The following MLXIPL variants were observed in gnomAD, a reference collection of about 807,000 sequenced individuals.
The protein encoded by MLXIPL is MLX interacting protein like.
Under a neutral mutation model 81.5 loss-of-function variants are expected in MLXIPL, and 49 were observed. The observed-to-expected ratio is 0.60, with a 90% confidence interval of 0.48 to 0.76. The LOEUF (loss-of-function observed/expected upper bound fraction) is 0.76. Ranked by LOEUF, MLXIPL falls within the 30% of genes least tolerant of loss-of-function variation. MLXIPL has a pLI of 0.00. For missense variants in MLXIPL, 1,053 were observed against 1,167.0 expected (o/e 0.90, Z 1.42); for synonymous variants, 466 against 485.5 (o/e 0.96, Z 0.53).
chr7:73,599,398 T>G, intron 8 of MLXIPL, 128 bp downstream of exon 8: 1 of 1,226,784 alleles, frequency 8.2e-7, no homozygotes, highest in Non-Finnish European at 1.2e-6. Context: ...ATGGGGTCTT[T>G]CTTTCCCTCC....
At position 73,623,520 on chromosome 7, in the gene MLXIPL, G is replaced by A. The variant is rs529290880; in HGVS notation, c.293+680C>T. On this transcript the variant is annotated intron_variant, in intron 1 of 16. Transcript: ENST00000313375. The surrounding 1 kb of genome is among the most constrained non-coding windows in gnomAD (Gnocchi z 5.7). ...GCGCTCAGCCTAGTGTGGCGACGTG[G>A]GTAGGCGAACCCAGGCCTCCCGGGC... 8.5e-5 allele frequency among the ~76,000 whole-genome samples: 13 copies of A among 152,216 alleles called. No homozygotes were observed. The South Asian group carries it at 1.2e-3, about 15-fold the overall frequency.
chr7:73,620,415 A>G (rs1008968495), intron 1 of MLXIPL, among the ~76,000 whole-genome samples: 3 of 151,498 alleles, frequency 2.0e-5, no homozygotes, highest in African/African-American at 7.3e-5. Flanking sequence ...ACAACAAACA[A>G]AAAACAACAA....
Position 73,624,364 on chromosome 7 carries a change from G to A in MLXIPL, c.129C>T (p.Arg43=). Residue 43 remains arginine (R), a synonymous_variant, in exon 1 of 17, where the codon CGC becomes CGT. Transcript: ENST00000313375. ...SLRRSAGGLL[R]SQVIHSGHFM... is the part of the protein sequence containing the mutation. ...AGTGACCGCTGTGGATGACCTGCGA[G>A]CGGAGCAAGCCGCCCGCGCTGCGCC... The A allele has an allele frequency of 6.3e-7, 1 of 1,580,010 alleles. No individual in the cohort carries two copies.
At chr7:73,603,941 C>T (rs1231230257) in intron 7 of MLXIPL, among the ~76,000 whole-genome samples, 1 of 152,144 alleles carries the variant, frequency 6.6e-6, no homozygotes, top group Non-Finnish European at 1.5e-5. Context: ...TTAGGCCAGA[C>T]GCGGTAGCTC....
chr7:73,595,188 T>G (rs1794174572), intron 15 of MLXIPL, among the ~76,000 whole-genome samples: 2 of 152,108 alleles, frequency 1.3e-5, no homozygotes, highest in Admixed American at 1.3e-4. Flanking sequence ...CCCAGCTCTC[T>G]GCCTCTCAGT....
At chr7:73,614,512 C>G (rs1011071520) in intron 2 of MLXIPL, among the ~76,000 whole-genome samples, 1 of 152,192 alleles carries the variant, frequency 6.6e-6, no homozygotes, top group Non-Finnish European at 1.5e-5. Flanking sequence ...GGGGCGAGGA[C>G]AGAGAATACT....
In MLXIPL at chr7:73,597,449, C is replaced by T; in HGVS notation, c.1336G>A (p.Val446Met). The change falls in exon 9 of 17, where the codon GTG becomes ATG. Residue 446 changes from valine (V) to methionine (M), a missense_variant. Val to Met is a conservative substitution (Grantham distance 21, BLOSUM62 1). Around this residue, in one of 3 missense-constraint regions of MLXIPL, gnomAD observed 823 missense variants for 933.0 expected, o/e 0.88. Coordinates refer to ENST00000313375, the MANE Select transcript of MLXIPL (RefSeq NM_032951.3). ...PFPTVPPAPGVSPLPAPAAFP... is the reference protein window; with the variant it reads ...PFPTVPPAPGMSPLPAPAAFP... ...GCTGCAGGAGCAGGCAGCGGAGACA[C>T]TCCTGGGGCAGGAGGGACGGTGGGG... The T allele has an allele frequency of 3.5e-6, 5 of 1,427,432 alleles. No homozygotes were observed. The South Asian group carries it at 6.4e-5, about 18-fold the overall frequency. The allele number at this position is 1,427,432 out of a possible 1,614,324, so 88.4% of individuals were successfully genotyped here.
chr7:73,626,062 G>A (rs1796723907), upstream of MLXIPL, among the ~76,000 whole-genome samples: 1 of 152,106 alleles, frequency 6.6e-6, no homozygotes, highest in Admixed American at 6.6e-5. Flanking sequence ...GGAGTGCAAT[G>A]GCACGATCTC....
chr7:73,601,626 G>C (rs925749590), intron 7 of MLXIPL, among the ~76,000 whole-genome samples: 7 of 152,124 alleles, frequency 4.6e-5, no homozygotes, highest in Non-Finnish European at 4.4e-5. Flanking sequence ...CACCTCCTGG[G>C]TTCAAACGAT....
At chr7:73,628,703 T>C (rs782735478), upstream of MLXIPL, among the ~76,000 whole-genome samples, 12 of 152,216 alleles carry the variant, frequency 7.9e-5, no homozygotes, top group Non-Finnish European at 1.3e-4. Flanking sequence ...ATTGCCCAGA[T>C]AATAGCACAG....
chr7:73,625,471 C>T (rs550531701), upstream of MLXIPL, among the ~76,000 whole-genome samples: 53 of 152,242 alleles, frequency 3.5e-4, 1 homozygote, highest in East Asian at 9.5e-3. Context: ...GTGGCCAACA[C>T]GGTGGCCGGG....
intron 1 of MLXIPL, 54 bp downstream of exon 1, chr7:73,624,142 ACCCC>A: frequency 6.2e-6 from 5 of 805,690 alleles, no homozygotes; most frequent in Non-Finnish European, 8.9e-6. Flanking sequence ...CCTGCCCCGG[ACCCC>A]CCCCCCATCC....
chr7:73,645,815 C>T, the MLXIPL span, among the ~76,000 whole-genome samples: 1 of 152,108 alleles, frequency 6.6e-6, no homozygotes, highest in Non-Finnish European at 1.5e-5. Context: ...TCAGCTTTGC[C>T]GTTCCCAGGC....
upstream of MLXIPL, among the ~76,000 whole-genome samples, chr7:73,628,485 T>C (rs1192686301): frequency 6.6e-6 from 1 of 152,212 alleles, no homozygotes; most frequent in African/African-American, 2.4e-5. Flanking sequence ...TGCAAGGACG[T>C]CCACAGATTC....
At chr7:73,598,437 C>T (rs1339110691) in intron 8 of MLXIPL, among the ~76,000 whole-genome samples, 3 of 152,122 alleles carry the variant, frequency 2.0e-5, no homozygotes, top group Non-Finnish European at 4.4e-5. Flanking sequence ...ATTCACTAAT[C>T]CATTAAACTA....
the MLXIPL span, among the ~76,000 whole-genome samples, chr7:73,634,805 T>TTTATTATTA: frequency 3.3e-3 from 490 of 147,016 alleles, no homozygotes; most frequent in Non-Finnish European, 5.2e-3. Context: ...TCTATATGTA[T>TTTATTATTA]TTATTATTAT....
intron 7 of MLXIPL, among the ~76,000 whole-genome samples, chr7:73,602,986 G>A (rs963811711): frequency 3.9e-5 from 6 of 152,166 alleles, no homozygotes; most frequent in South Asian, 4.1e-4. Context: ...TTCCCAGCCC[G>A]AGCTGCTCAC....
At chr7:73,607,846 G>A (rs1205144230) in intron 2 of MLXIPL, among the ~76,000 whole-genome samples, 174 bp from the exon 3 acceptor site, 1 of 119,860 alleles carries the variant, frequency 8.3e-6, no homozygotes, top group African/African-American at 3.3e-5. Context: ...TAGCCTCCTA[G>A]ATCTTCCTTT....
intron 13 of MLXIPL, 21 bp from the exon 14 acceptor site, chr7:73,595,990 G>C (rs377475567): frequency 2.5e-6 from 4 of 1,611,502 alleles, no homozygotes; most frequent in Non-Finnish European, 3.4e-6. Context: ...CACCAGGGGG[G>C]CTCAGGCAGG....
Sources: allele counts gnomAD v4.1 joint callset (sites outside exome capture counted in the v4.1 genomes callset), GRCh38; gene constraint gnomAD v4.1.1; regional missense constraint gnomAD v4.1.1; non-coding constraint Gnocchi (gnomAD v3.1); transcripts MANE v1.5; gene names NCBI Gene and HGNC (gene_info 2026-07-23, HGNC 2026-07-21).